Variants in PXDN observed in about 807,000 individuals in gnomAD.
PXDN encodes the protein peroxidasin.
Under a neutral mutation model 140.3 loss-of-function variants are expected in PXDN, and 77 were observed. The observed-to-expected ratio is 0.55, with a 90% CI of 0.46 to 0.66. PXDN has a LOEUF of 0.66. Ranked by LOEUF, PXDN falls within the 30% of genes least tolerant of loss-of-function variation. The pLI is 0.00. For synonymous variants in PXDN, 911 were observed against 857.4 expected, an observed-to-expected ratio of 1.06 and a Z score of -1.09; for missense variants, 1,838 against 2,039.5, an observed-to-expected ratio of 0.90 and a Z score of 1.90.
At chr2:1,711,975 A>C (rs1015549878) in intron 1 of PXDN, among the ~76,000 whole-genome samples, 4 of 152,220 alleles carry the variant, frequency 2.6e-5, no homozygotes, top group Admixed American at 2.6e-4. Context: ...CCAAGACAAG[A>C]TGTCAGGTTA....
chr2:1,638,670 A>G (rs891400835), intron 21 of PXDN, among the ~76,000 whole-genome samples, 176 bp downstream of exon 21: 1 of 152,160 alleles, frequency 6.6e-6, no homozygotes, highest in African/African-American at 2.4e-5. Flanking sequence ...CCAGTGGCAC[A>G]TGGCCCGGCC....
rs1366887315 is a variant in PXDN at position 1,633,498 on chromosome 2, G to A, written c.*706C>T. ...AGGAGCTGACACACGGAGAGTCACA[G>A]GCTATACAGCTGCTTCGAGCAGCGG... On this transcript the variant is annotated 3_prime_UTR_variant, in exon 23 of 23. Coordinates refer to ENST00000252804, the MANE Select transcript of PXDN (RefSeq NM_012293.3). 2 of 152,064 alleles carry A rather than the reference G, an allele frequency of 1.3e-5. No homozygotes were observed. Among genetic ancestry groups the A allele is most frequent in the Non-Finnish European group, 2.9e-5 (2 of 68,054 alleles). The allele number at this position is 152,064 out of a possible 1,614,324, so 9.4% of individuals were successfully genotyped here. A position where few individuals can be genotyped will look rare whatever the true frequency, so the allele number is the denominator to read the frequency against.
At chr2:1,708,871 G>C (rs987254195) in intron 1 of PXDN, among the ~76,000 whole-genome samples, 1 of 152,182 alleles carries the variant, frequency 6.6e-6, no homozygotes, top group African/African-American at 2.4e-5. Context: ...ACCTCTCTAC[G>C]TGTACAGGTT....
intron 1 of PXDN, among the ~76,000 whole-genome samples, chr2:1,724,113 G>A (rs1476835386): frequency 2.0e-5 from 3 of 152,264 alleles, no homozygotes; most frequent in African/African-American, 4.8e-5. Context: ...AGACACTGTC[G>A]CATTTTGTCT....
intron 1 of PXDN, among the ~76,000 whole-genome samples, chr2:1,720,812 A>G (rs917525699): frequency 2.0e-5 from 3 of 151,836 alleles, no homozygotes; most frequent in Non-Finnish European, 4.4e-5. Flanking sequence ...CAGTGTTCGC[A>G]ATGTGTGTCA....
chr2:1,711,969 G>C (rs1208012281), intron 1 of PXDN, among the ~76,000 whole-genome samples: 1 of 152,160 alleles, frequency 6.6e-6, no homozygotes, highest in Non-Finnish European at 1.5e-5. Flanking sequence ...AGCTTCCCAA[G>C]ACAAGATGTC....
chr2:1,685,047 T>C lies in PXDN; in HGVS notation c.417-896A>G, dbSNP rs555023313. The stretch of plus-strand genomic sequence containing the variant: ...ATAACTCCACAGAAAGGAGGACTCC[T>C]CAGAACGCACGCCTGAGAATCAGGT... On this transcript the variant is annotated intron_variant, in intron 4 of 22. Coordinates refer to ENST00000252804, the MANE Select transcript of PXDN (RefSeq NM_012293.3). The surrounding 1 kb of genome is among the most constrained non-coding windows in gnomAD (Gnocchi z 5.1). 3.9e-5 allele frequency among the ~76,000 whole-genome samples: 6 copies of C among 152,288 alleles called. No individual in the cohort carries two copies. Among genetic ancestry groups the C allele is most frequent in the South Asian group, 2.1e-4 (1 of 4,828 alleles).
intron 4 of PXDN, 147 bp from the exon 5 acceptor site, chr2:1,684,298 C>T (rs1683995756): frequency 1.5e-6 from 1 of 662,734 alleles, no homozygotes; most frequent in Non-Finnish European, 2.6e-6. Context: ...ATGAACAATA[C>T]ATAAAATTAT....
Position 1,687,720 on chromosome 2 carries a change from TG to T in PXDN, c.345-18del, listed in dbSNP as rs755890154. 1 of 1,490,380 alleles carries T rather than the reference TG, an allele frequency of 6.7e-7. No individual in the cohort carries two copies. The highest frequency in any genetic ancestry group is 9.3e-7 in the Non-Finnish European group (1 of 1,074,836). 92.3% of individuals were successfully genotyped at this position (1,490,380 alleles called of 1,614,324 possible). A position where few individuals can be genotyped will look rare whatever the true frequency, so the allele number is the denominator to read the frequency against. ...TACAGATAGCTGAAACAAGAAACAT[TG>T]GGGAGCATTAGCACACAGACAGGAG... On this transcript the variant is annotated intron_variant, in intron 3 of 22. Transcript: ENST00000252804. The surrounding 1 kb of genome is among the most constrained non-coding windows in gnomAD (Gnocchi z 4.0).
chr2:1,673,957 CA>C lies in PXDN; in HGVS notation c.849-146del, dbSNP rs765095205. On this transcript the variant is annotated intron_variant, in intron 8 of 22. Transcript: ENST00000252804. ...CCTTCCAGGGTCTCCTCCTTCCTGG[CA>C]GCCCTGACCTAACAGGCAATTCTGA... 770 of 785,378 alleles carry C rather than the reference CA, an allele frequency of 9.8e-4. 1 individual carries two copies. Among genetic ancestry groups the C allele is most frequent in the Middle Eastern group, 3.1e-3 (12 of 3,858 alleles). 48.7% of individuals were successfully genotyped at this position (785,378 alleles called of 1,614,324 possible).
rs528421192 is a variant in PXDN at position 1,735,576 on chromosome 2, G to A, written c.200+8680C>T. Among the ~76,000 whole-genome samples the A allele has an allele frequency of 1.6e-4, 24 of 152,182 alleles. No homozygotes were observed. In the South Asian group the frequency reaches 3.5e-3, roughly 22 times the overall value. ...TATTTTGAAAATAATCTTTTTTTCC[G>A]AGCAGTAGGTCTCAACAGTGAGCTT... On this transcript the variant is annotated intron_variant, in intron 1 of 22. Transcript: ENST00000252804.
chr2:1,658,056 CTCTCTCTCTCT>C (rs1683198209), intron 14 of PXDN, among the ~76,000 whole-genome samples: 3 of 131,186 alleles, frequency 2.3e-5, no homozygotes, highest in Non-Finnish European at 3.2e-5. Context: ...CTCTCTCTCT[CTCTCTCTCTCT>C]CTCTCTCTCT....
chr2:1,683,794 A>C, intron 5 of PXDN, 67 bp from the exon 6 acceptor site: 2 of 1,272,422 alleles, frequency 1.6e-6, no homozygotes, highest in Non-Finnish European at 2.2e-6. Flanking sequence ...AGAAAAGAAT[A>C]TAAGCAGTCA....
At chr2:1,739,546 T>C (rs1685493204) in intron 1 of PXDN, among the ~76,000 whole-genome samples, 1 of 152,178 alleles carries the variant, frequency 6.6e-6, no homozygotes, top group Admixed American at 6.5e-5. Context: ...GAGAAAGCAC[T>C]TTCCAGACAC....
chr2:1,659,395 T>C (rs1247361591), intron 14 of PXDN, among the ~76,000 whole-genome samples: 1 of 152,220 alleles, frequency 6.6e-6, no homozygotes, highest in Admixed American at 6.5e-5. Context: ...TGCCAATAGG[T>C]AGATAAATGA....
chr2:1,710,457 C>T (rs1464201443), intron 1 of PXDN, among the ~76,000 whole-genome samples: 2 of 152,006 alleles, frequency 1.3e-5, no homozygotes, highest in Non-Finnish European at 2.9e-5. Flanking sequence ...TAGATGAGCA[C>T]CCGTTCCACC....
At chr2:1,673,524 G>C (rs1683624935) in intron 9 of PXDN, 119 bp downstream of exon 9, 2 of 1,343,484 alleles carry the variant, frequency 1.5e-6, no homozygotes, top group Non-Finnish European at 2.1e-6. Context: ...CCTGGTACTG[G>C]AGCTTCAACT....
chr2:1,644,714 G>A lies in PXDN; in HGVS notation c.3647C>T (p.Ala1216Val), dbSNP rs368633299. Residue 1216 changes from alanine to valine, a missense_variant, in exon 18 of 23, where the codon GCG (alanine) becomes GTG (valine). By Grantham distance (64) the Ala-to-Val change is moderately conservative. This residue lies in a region of PXDN where 850 missense variants were observed against 894.1 expected (regional missense o/e 0.95). Transcript: ENST00000252804. ...AGGCACCAGGTCCTCCACCACGAGC[G>A]CCGGAAACAGGTCGATGTTGAGTGT... ...GSTLNIDLFPALVVEDLVPGS... is the reference protein window; with the variant it reads ...GSTLNIDLFPVLVVEDLVPGS... The A allele has an allele frequency of 1.9e-5, 30 of 1,594,664 alleles. No individual in the cohort carries two copies. Among genetic ancestry groups the A allele is most frequent in the East Asian group, 4.5e-5 (2 of 44,210 alleles).
chr2:1,686,057 AT>A (rs1478669273), intron 4 of PXDN, among the ~76,000 whole-genome samples: 19 of 152,276 alleles, frequency 1.2e-4, no homozygotes, highest in Admixed American at 8.5e-4. Context: ...CCAGGAATGC[AT>A]GTTTTCAATA....
Sources: gnomAD v4.1 joint callset for allele counts (sites outside exome capture counted in the v4.1 genomes callset) on GRCh38, gnomAD v4.1.1 for gene constraint, gnomAD v4.1.1 regional missense constraint, Gnocchi (gnomAD v3.1) non-coding constraint, MANE v1.5 for transcripts, NCBI Gene and HGNC (gene_info 2026-07-23, HGNC 2026-07-21) for gene names.